Variants in STARD9 observed in about 807,000 individuals in gnomAD.
STARD9 encodes stAR-related lipid transfer protein 9.
A neutral mutation model predicts 399.8 loss-of-function variants in STARD9; 346 were observed. The ratio of observed to expected loss-of-function variants is 0.87; its 90% CI spans 0.79 to 0.95. The LOEUF (loss-of-function observed/expected upper bound fraction) is 0.95, where lower values mean the gene tolerates loss of function less well. Among genes scored for constraint, STARD9 ranks in the 40% least tolerant of loss-of-function variants. STARD9 has a pLI of 0.00. For synonymous variants in STARD9, 2,203 were observed against 2,143.5 expected (o/e 1.03, Z -0.77); for missense variants, 5,832 against 5,667.5 (o/e 1.03, Z -0.93).
In STARD9 at chr15:42,665,786, A is replaced by G. The variant is rs190947888; in HGVS notation, c.1255A>G (p.Arg419Gly). Residue 419 changes from arginine (R) to glycine (G), a missense_variant and splice_region_variant, in exon 15 of 33, where the codon AGA becomes GGA. By Grantham distance (125) the Arg-to-Gly change is moderately radical (BLOSUM62 -2). Around this residue, in one of 2 missense-constraint regions of STARD9, gnomAD observed 5,828 missense variants for 5,651.1 expected, o/e 1.03. Coordinates refer to ENST00000290607, the MANE Select transcript of STARD9 (RefSeq NM_020759.3). ...AAAGCACATCTCTATCTTTGTGCAG[A>G]GAAACTTCAGTTCATTGAGTGATGA... ...LKALLLSFEL[R>G]NFSSLSDENL... The G allele has an allele frequency of 6.5e-5, 100 of 1,537,172 alleles. No individual in the cohort carries two copies. The East Asian group carries it at 2.3e-3, about 35-fold the overall frequency.
chr15:42,595,586 G>A (rs2058486007), intron 3 of STARD9, among the ~76,000 whole-genome samples: 1 of 152,192 alleles, frequency 6.6e-6, no homozygotes, highest in Admixed American at 6.5e-5. Context: ...AACCACAGAT[G>A]CCAATCAGTT....
intron 9 of STARD9, among the ~76,000 whole-genome samples, chr15:42,660,486 C>T (rs1448782248): frequency 1.3e-5 from 2 of 151,022 alleles, no homozygotes; most frequent in African/African-American, 4.9e-5. Flanking sequence ...ATCACTTGAA[C>T]TTGGGAGGCC....
At chr15:42,694,763 G>T (rs1226881470) in intron 24 of STARD9, 38 bp downstream of exon 24, 7 of 1,515,422 alleles carry the variant, frequency 4.6e-6, no homozygotes, top group Non-Finnish European at 6.2e-6. Flanking sequence ...AGCAGGCTCT[G>T]TTGGGGGAGG....
At chr15:42,636,233 C>T (rs1010739003) in intron 4 of STARD9, among the ~76,000 whole-genome samples, 1 of 152,024 alleles carries the variant, frequency 6.6e-6, no homozygotes, top group African/African-American at 2.4e-5. Context: ...GAGGTTGAGG[C>T]TGCAGTGATT....
chr15:42,637,996 A>G (rs2059450197), intron 5 of STARD9, 30 bp from the exon 6 acceptor site: 2 of 1,537,198 alleles, frequency 1.3e-6, no homozygotes, highest in Non-Finnish European at 1.7e-6. Context: ...CAATTCCTAC[A>G]ATGAAACCCC....
chr15:42,621,358 A>T (rs927361066), intron 3 of STARD9, among the ~76,000 whole-genome samples: 4 of 152,142 alleles, frequency 2.6e-5, no homozygotes, highest in Non-Finnish European at 4.4e-5. Flanking sequence ...TTCTCATTTT[A>T]TACAGTGGAT....
intron 3 of STARD9, among the ~76,000 whole-genome samples, chr15:42,595,478 C>A (rs376562585): frequency 1.2e-4 from 18 of 152,160 alleles, no homozygotes; most frequent in East Asian, 7.7e-4. Context: ...ATTAATTATT[C>A]AATTAAAGGT....
chr15:42,629,769 T>C (rs758254171), intron 3 of STARD9: 1 of 152,160 alleles, frequency 6.6e-6, no homozygotes, highest in African/African-American at 2.4e-5. Context: ...ATGGCTTTTA[T>C]TGTGTTGAGG....
chr15:42,657,207 A>G (rs2059894362), intron 9 of STARD9, among the ~76,000 whole-genome samples: 1 of 151,972 alleles, frequency 6.6e-6, no homozygotes, highest in Non-Finnish European at 1.5e-5. Flanking sequence ...AAATACAAAA[A>G]AAATTAGCCA....
At chr15:42,702,078 G>A (rs956680168) in intron 26 of STARD9, among the ~76,000 whole-genome samples, 6 of 149,528 alleles carry the variant, frequency 4.0e-5, no homozygotes, top group South Asian at 2.1e-4. Context: ...CCCCTTCCTC[G>A]CTAACAGATA....
Position 42,688,247 on chromosome 15 carries a change from T to C in STARD9, c.6669T>C (p.Asn2223=), listed in dbSNP as rs2060609296. ...GGCTAGAGAGGTCTTCTAAGAATAA[T>C]GGCCAGTTTGTAAAAGCATCAGCAA... ...QPRLERSSKN[N]GQFVKASASL... The change falls in exon 23 of 33, where the codon AAT becomes AAC. Residue 2223 remains asparagine, a synonymous_variant. Transcript: ENST00000290607. The C allele has an allele frequency of 6.5e-7, 1 of 1,537,524 alleles. No individual in the cohort carries two copies. Among genetic ancestry groups the C allele is most frequent in the Non-Finnish European group, 8.7e-7 (1 of 1,147,002 alleles).
intron 3 of STARD9, among the ~76,000 whole-genome samples, chr15:42,629,298 C>T (rs1454069663): frequency 6.6e-6 from 1 of 152,182 alleles, no homozygotes; most frequent in Non-Finnish European, 1.5e-5. Context: ...GGATTACAGG[C>T]CTCAACCACT....
At chr15:42,601,170 G>T (rs2058615497) in intron 3 of STARD9, among the ~76,000 whole-genome samples, 1 of 152,126 alleles carries the variant, frequency 6.6e-6, no homozygotes, top group Non-Finnish European at 1.5e-5. Flanking sequence ...GTTTCAGAGA[G>T]CACGGGTTGG....
chr15:42,681,603 A>G lies in STARD9; in HGVS notation c.2056A>G (p.Ile686Val), dbSNP rs978420660. The G allele has an allele frequency of 3.9e-5, 60 of 1,536,258 alleles. No homozygotes were observed. The highest frequency in any genetic ancestry group is 5.1e-5 in the Non-Finnish European group (58 of 1,146,474). The change falls in exon 21 of 33, where the codon ATT becomes GTT. Residue 686 changes from isoleucine (I) to valine (V), a missense_variant. Transcript: ENST00000290607. ...TGACCAAGCTTGGATTAGCCAGCAGATTAAAGAAAGTAGGTGTCCACCACT... is the reference window on the plus strand; with the variant it reads ...TGACCAAGCTTGGATTAGCCAGCAGGTTAAAGAAAGTAGGTGTCCACCACT... ...EFDQAWISQQ[I>V]KENQQCLLRE...
chr15:42,675,442 G>A (rs2060290419), intron 18 of STARD9: 1 of 543,858 alleles, frequency 1.8e-6, no homozygotes, highest in Non-Finnish European at 3.3e-6. Context: ...ACTCCACCTG[G>A]AACTCAACTT....
chr15:42,682,172 G>A lies in STARD9; in HGVS notation c.2134G>A (p.Val712Ile). 1.3e-6 allele frequency: 2 copies of A among 1,537,266 alleles called. No homozygotes were observed. Among genetic ancestry groups the A allele is most frequent in the Non-Finnish European group, 1.7e-6 (2 of 1,146,906 alleles). ...SLQQQQQEDQ[V>I]AEKELEASVA... ...GCAACAGCAGCAGCAAGAAGACCAG[G>A]TAGCAGAGAAAGAACTTGAGGCATC... is the stretch of plus-strand genomic sequence containing the variant. The change falls in exon 22 of 33, where the codon GTA becomes ATA. Residue 712 changes from valine to isoleucine, a missense_variant. This residue lies in a region of STARD9 where 5,828 missense variants were observed against 5,651.1 expected (regional missense o/e 1.03). Coordinates refer to ENST00000290607, the MANE Select transcript of STARD9 (RefSeq NM_020759.3).
At chr15:42,625,370 G>A (rs1167209952) in intron 3 of STARD9, among the ~76,000 whole-genome samples, 4 of 148,674 alleles carry the variant, frequency 2.7e-5, no homozygotes, top group Admixed American at 6.7e-5. Context: ...TGACTCTGTC[G>A]CCCAGACTAG....
At chr15:42,699,612 C>G (rs1404240356) in intron 26 of STARD9, among the ~76,000 whole-genome samples, 1 of 151,762 alleles carries the variant, frequency 6.6e-6, no homozygotes, top group East Asian at 1.9e-4. Context: ...CCAGGATGGT[C>G]TCGATTTCCT....
rs1295021753 is a variant in STARD9, at chr15:42,682,351, G to A, written c.2313G>A (p.Gln771=). The change falls in exon 22 of 33, where the codon CAG becomes CAA. Residue 771 remains glutamine, a synonymous_variant. Transcript: ENST00000290607. ...TCCGGCGGAAAAAGGTCTCATTCCA[G>A]CTAGAGAGAATCATCAAAAAGCAGA... The part of the protein sequence containing the change: ...RNVRRKKVSF[Q]LERIIKKQRL... The A allele has an allele frequency of 8.5e-6, 13 of 1,537,122 alleles. No homozygotes were observed. The highest frequency in any genetic ancestry group is 1.1e-5 in the Non-Finnish European group (13 of 1,146,916).
Sources: allele counts gnomAD v4.1 joint callset (sites outside exome capture counted in the v4.1 genomes callset), GRCh38; gene constraint gnomAD v4.1.1; regional missense constraint gnomAD v4.1.1; transcripts MANE v1.5; gene names NCBI Gene and HGNC (gene_info 2026-07-23, HGNC 2026-07-21).